Variants in AGTPBP1 observed in about 807,000 individuals in gnomAD.
AGTPBP1 encodes ATP/GTP binding carboxypeptidase 1.
AGTPBP1 carries 70 observed loss-of-function variants against 143.9 expected under a neutral mutation model. The ratio of observed to expected loss-of-function variants is 0.49; its 90% CI spans 0.40 to 0.59. AGTPBP1 has a LOEUF of 0.59. Ranked by LOEUF, AGTPBP1 falls within the 20% of genes least tolerant of loss-of-function variation. The pLI is 0.00. For synonymous variants in AGTPBP1, 463 were observed against 500.2 expected (o/e 0.93, Z 0.99); for missense variants, 1,229 against 1,464.5 (o/e 0.84, Z 2.62).
chr9:85,679,111 A>G (rs1325214923), intron 4 of AGTPBP1, among the ~76,000 whole-genome samples: 1 of 152,192 alleles, frequency 6.6e-6, no homozygotes. Context: ...AATGCCTACA[A>G]TTCCAAGGTC....
At chr9:85,596,489 A>G (rs1421924383) in intron 17 of AGTPBP1, 40 bp from the exon 18 acceptor site, 3 of 1,349,928 alleles carry the variant, frequency 2.2e-6, no homozygotes, top group Non-Finnish European at 2.0e-6. Context: ...TTATTTTCAT[A>G]ATTTTTCAAT....
Position 85,677,493 on chromosome 9 carries a change from G to T in AGTPBP1, c.379C>A (p.Pro127Thr). 6.2e-7 allele frequency: 1 copy of T among 1,604,114 alleles called. No individual in the cohort carries two copies. The highest frequency in any genetic ancestry group is 8.5e-7 in the Non-Finnish European group (1 of 1,175,302). The change falls in exon 6 of 26, where the codon CCA becomes ACA. Residue 127 changes from proline to threonine, a missense_variant. This residue lies in a region of AGTPBP1 where 743 missense variants were observed against 812.2 expected (regional missense o/e 0.91). Coordinates refer to ENST00000357081, the MANE Select transcript of AGTPBP1 (RefSeq NM_001330701.2). ...LLMNASKESPPHEDLMVQIHS... is the reference protein window; with the variant it reads ...LLMNASKESPTHEDLMVQIHS... ...ATCTGTACCATTAAGTCCTCATGTG[G>T]GGGAGATTCTTTGCTGGCATTCATA...
chr9:85,553,263 T>C (rs1564003809), intron 25 of AGTPBP1, among the ~76,000 whole-genome samples: 3 of 152,364 alleles, frequency 2.0e-5, no homozygotes, highest in Admixed American at 6.5e-5. Context: ...ATTTGTACTT[T>C]TGTTGAAAAG....
chr9:85,655,322 T>C lies in AGTPBP1; in HGVS notation c.910-2A>G. 1 of 1,479,904 alleles carries C rather than the reference T, an allele frequency of 6.8e-7. No individual in the cohort carries two copies. The highest frequency in any genetic ancestry group is 9.0e-7 in the Non-Finnish European group (1 of 1,115,718). The allele number at this position is 1,479,904 out of a possible 1,614,324, so 91.7% of individuals were successfully genotyped here. A position where few individuals can be genotyped will look rare whatever the true frequency, so the allele number is the denominator to read the frequency against. ...CAGAGTCCTGACTGCCAGACATTCCTGTTTTTTAAAAAAAGAAAAAGAAAA... is the reference window on the plus strand; with the variant it reads ...CAGAGTCCTGACTGCCAGACATTCCCGTTTTTTAAAAAAAGAAAAAGAAAA... On this transcript the variant is annotated splice_acceptor_variant, in intron 10 of 25. Transcript: ENST00000357081. LOFTEE classifies it high-confidence loss of function.
chr9:85,598,854 G>C (rs958861290), intron 17 of AGTPBP1, among the ~76,000 whole-genome samples: 16 of 152,074 alleles, frequency 1.1e-4, no homozygotes, highest in African/African-American at 3.9e-4. Flanking sequence ...CGAGTAGCTG[G>C]GGACTACAGG....
intron 1 of AGTPBP1, among the ~76,000 whole-genome samples, chr9:85,730,176 T>C (rs182799670): frequency 6.6e-6 from 1 of 152,318 alleles, no homozygotes; most frequent in East Asian, 1.9e-4. Context: ...ATGTGAGAGT[T>C]GTTCCTTAAA....
chr9:85,729,646 G>A (rs1838748322), intron 1 of AGTPBP1, among the ~76,000 whole-genome samples: 1 of 151,476 alleles, frequency 6.6e-6, no homozygotes, highest in Non-Finnish European at 1.5e-5. Flanking sequence ...AGATACAAGG[G>A]GTTAATATCT....
At chr9:85,588,916 T>C (rs904566599) in intron 20 of AGTPBP1, among the ~76,000 whole-genome samples, 2 of 152,138 alleles carry the variant, frequency 1.3e-5, no homozygotes, top group Admixed American at 6.6e-5. Flanking sequence ...AACAAGTTTA[T>C]CTGCTCAGAG....
intron 1 of AGTPBP1, among the ~76,000 whole-genome samples, chr9:85,716,753 G>C (rs1258746248): frequency 1.3e-5 from 2 of 152,016 alleles, no homozygotes; most frequent in East Asian, 3.9e-4. Flanking sequence ...TAATACACTG[G>C]GGGACAGAAG....
chr9:85,719,278 T>G (rs563028150), intron 1 of AGTPBP1, among the ~76,000 whole-genome samples: 3 of 152,222 alleles, frequency 2.0e-5, no homozygotes, highest in Non-Finnish European at 4.4e-5. Context: ...TTTCACAATA[T>G]TGATTCTTCC....
chr9:85,654,170 G>GT (rs912986910), intron 11 of AGTPBP1, among the ~76,000 whole-genome samples: 27 of 151,330 alleles, frequency 1.8e-4, no homozygotes, highest in African/African-American at 6.1e-4. Flanking sequence ...AAGAATCTTC[G>GT]TTTTTTTTCT....
chr9:85,591,740 A>G (rs533999030), intron 19 of AGTPBP1, among the ~76,000 whole-genome samples: 1 of 152,046 alleles, frequency 6.6e-6, no homozygotes, highest in Admixed American at 6.6e-5. Flanking sequence ...CTTAGGTTTG[A>G]TATCTCTTCT....
chr9:85,636,108 A>G (rs1354318210), intron 13 of AGTPBP1, among the ~76,000 whole-genome samples: 1 of 152,122 alleles, frequency 6.6e-6, no homozygotes, highest in Non-Finnish European at 1.5e-5. Flanking sequence ...ATACAATTCA[A>G]CAAGGTAGAA....
At chr9:85,572,610 C>A (rs957976599) in intron 25 of AGTPBP1, among the ~76,000 whole-genome samples, 2 of 151,956 alleles carry the variant, frequency 1.3e-5, no homozygotes, top group African/African-American at 4.8e-5. Context: ...ACAATAAGAC[C>A]AGTGGAGGGC....
intron 11 of AGTPBP1, among the ~76,000 whole-genome samples, chr9:85,647,063 A>C (rs889316438): frequency 6.6e-6 from 1 of 152,196 alleles, no homozygotes; most frequent in Non-Finnish European, 1.5e-5. Flanking sequence ...AGATCAGCTG[A>C]GGTTGGGAGT....
intron 9 of AGTPBP1, among the ~76,000 whole-genome samples, chr9:85,659,576 T>TA (rs1230828280): frequency 6.6e-6 from 1 of 151,634 alleles, no homozygotes; most frequent in Non-Finnish European, 1.5e-5. Context: ...AGGGAGGGAG[T>TA]AAAAAGGAGA....
chr9:85,746,673 T>A (rs1036610750), upstream of AGTPBP1, among the ~76,000 whole-genome samples: 2 of 151,448 alleles, frequency 1.3e-5, no homozygotes, highest in Non-Finnish European at 2.9e-5. Context: ...GAAGCAAAAT[T>A]GAGTAGAGAC....
chr9:85,559,433 AG>A (rs986376290), intron 25 of AGTPBP1, among the ~76,000 whole-genome samples: 3 of 148,856 alleles, frequency 2.0e-5, no homozygotes, highest in Non-Finnish European at 4.5e-5. Context: ...CTAAGATGAC[AG>A]TAAAAAAAAA....
At chr9:85,621,310 AATATAT>A (rs769728688) in intron 14 of AGTPBP1, 25 bp from the exon 15 acceptor site, 41 of 1,212,900 alleles carry the variant, frequency 3.4e-5, no homozygotes, top group Admixed American at 5.7e-5. Flanking sequence ...GTTTAACCAA[AATATAT>A]TATTATACAC....
Sources: gnomAD v4.1 joint callset for allele counts (sites outside exome capture counted in the v4.1 genomes callset) on GRCh38, gnomAD v4.1.1 for gene constraint, gnomAD v4.1.1 regional missense constraint, MANE v1.5 for transcripts, NCBI Gene and HGNC (gene_info 2026-07-23, HGNC 2026-07-21) for gene names.